The following FBXO32 variants were observed in gnomAD, a reference collection of about 807,000 sequenced individuals.
FBXO32 encodes F-box protein 32, also known as F-box only protein 32.
In FBXO32, 15 loss-of-function variants were observed where a neutral mutation model predicts 48.3. That is an observed-to-expected ratio of 0.31 (90% CI 0.21 to 0.48). FBXO32 has a LOEUF of 0.48. FBXO32 is among the 20% of genes least tolerant of loss of function. FBXO32 has a pLI of 0.99. For synonymous variants in FBXO32, 154 were observed against 165.9 expected (o/e 0.93, Z 0.55); for missense variants, 309 against 432.7 (o/e 0.71, Z 2.54).
In FBXO32 at chr8:123,540,497, T is replaced by C. The variant is rs1231891807; in HGVS notation, c.116+402A>G. 2.0e-5 allele frequency among the ~76,000 whole-genome samples: 3 copies of C among 152,124 alleles called. No homozygotes were observed. Among genetic ancestry groups the C allele is most frequent in the Non-Finnish European group, 4.4e-5 (3 of 68,006 alleles). On this transcript the variant is annotated intron_variant, in intron 1 of 8. Transcript: ENST00000517956. This position sits in a 1 kb window ranked among gnomAD's most constrained non-coding sequence, Gnocchi z 6.4. ...CGCTGGGAGCCGGGCCACCCCGCGG[T>C]GAAGGGGCTCAGCCCACCCGCCCGC...
intron 7 of FBXO32, among the ~76,000 whole-genome samples, chr8:123,505,179 T>C (rs535907228): frequency 2.0e-5 from 3 of 152,206 alleles, no homozygotes; most frequent in African/African-American, 7.2e-5. Context: ...ACAGAACTTG[T>C]TGAACTCACA....
At chr8:123,528,023 A>G (rs1477882391) in intron 4 of FBXO32, among the ~76,000 whole-genome samples, 1 of 152,220 alleles carries the variant, frequency 6.6e-6, no homozygotes, top group African/African-American at 2.4e-5. Context: ...AAAACATAAT[A>G]TCTGGGCTCC....
At chr8:123,528,097 A>T (rs930013604) in intron 4 of FBXO32, among the ~76,000 whole-genome samples, 43 of 152,250 alleles carry the variant, frequency 2.8e-4, no homozygotes, top group Non-Finnish European at 8.8e-5. Flanking sequence ...CAGATATTTT[A>T]AAAGTAGCAA....
At chr8:123,535,539 G>T (rs939017824) in intron 1 of FBXO32, among the ~76,000 whole-genome samples, 3 of 152,166 alleles carry the variant, frequency 2.0e-5, no homozygotes, top group African/African-American at 4.8e-5. Flanking sequence ...ATTTATAAGG[G>T]CTGAACAGAC....
At chr8:123,526,175 A>T (rs1465815444) in intron 4 of FBXO32, among the ~76,000 whole-genome samples, 1 of 151,632 alleles carries the variant, frequency 6.6e-6, no homozygotes, top group Non-Finnish European at 1.5e-5. Flanking sequence ...GTGAGGCCTG[A>T]CCAAGATCAT....
chr8:123,519,232 T>G (rs1586995237), intron 4 of FBXO32, among the ~76,000 whole-genome samples: 1 of 152,328 alleles, frequency 6.6e-6, no homozygotes, highest in South Asian at 2.1e-4. Flanking sequence ...TATTGTTATG[T>G]TCTGGGGAAA....
intron 8 of FBXO32, among the ~76,000 whole-genome samples, chr8:123,503,679 G>A (rs1816548464): frequency 6.6e-6 from 1 of 152,226 alleles, no homozygotes; most frequent in Non-Finnish European, 1.5e-5. Flanking sequence ...AAGGGAAAAG[G>A]AAGGGGATGC....
chr8:123,505,834 G>C (rs1356445840), intron 7 of FBXO32, among the ~76,000 whole-genome samples: 2 of 152,152 alleles, frequency 1.3e-5, no homozygotes, highest in Non-Finnish European at 2.9e-5. Flanking sequence ...TGATTTTTTT[G>C]AGTGAGTTGT....
chr8:123,502,744 G>A lies in FBXO32; in HGVS notation c.*629C>T, dbSNP rs1816523060. ...TTTTTATAGTGATGAAAACACTTAC[G>A]AGAAAAACAGACACTGCCTACTGGA... On this transcript the variant is annotated 3_prime_UTR_variant, in exon 9 of 9. Transcript: ENST00000517956. 6.6e-6 allele frequency: 1 copy of A among 152,156 alleles called. No homozygotes were observed. Among genetic ancestry groups the A allele is most frequent in the Non-Finnish European group, 1.5e-5 (1 of 68,048 alleles). The allele number at this position is 152,156 out of a possible 1,614,324, so 9.4% of individuals were successfully genotyped here.
At chr8:123,535,530 T>G (rs866717760) in intron 1 of FBXO32, among the ~76,000 whole-genome samples, 1 of 152,164 alleles carries the variant, frequency 6.6e-6, no homozygotes, top group South Asian at 2.1e-4. Flanking sequence ...AATTGATAAA[T>G]TTATAAGGGC....
intron 7 of FBXO32, among the ~76,000 whole-genome samples, chr8:123,505,785 G>A (rs1816604301): frequency 2.0e-5 from 3 of 152,076 alleles, no homozygotes; most frequent in African/African-American, 7.2e-5. Flanking sequence ...GAAAATGTAA[G>A]TTATTGTGTT....
chr8:123,504,247 C>G (rs904692258), intron 8 of FBXO32, among the ~76,000 whole-genome samples: 1 of 151,852 alleles, frequency 6.6e-6, no homozygotes, highest in South Asian at 2.1e-4. Context: ...TCGCATGGAC[C>G]CTGAAACTAC....
intron 4 of FBXO32, among the ~76,000 whole-genome samples, chr8:123,520,626 A>T (rs768416488): frequency 1.3e-5 from 2 of 152,172 alleles, no homozygotes; most frequent in Non-Finnish European, 2.9e-5. Context: ...GTGCAAGACG[A>T]ATGGGCAGAA....
chr8:123,533,774 C>T (rs1817255291), intron 2 of FBXO32, among the ~76,000 whole-genome samples: 1 of 152,088 alleles, frequency 6.6e-6, no homozygotes, highest in South Asian at 2.1e-4. Flanking sequence ...TGCCACTGCA[C>T]TCCAGCCTGG....
chr8:123,521,435 G>C (rs1816953530), intron 4 of FBXO32, among the ~76,000 whole-genome samples: 1 of 152,204 alleles, frequency 6.6e-6, no homozygotes, highest in African/African-American at 2.4e-5. Context: ...ATGGAGACTA[G>C]TTCCAGACTG....
intron 3 of FBXO32, among the ~76,000 whole-genome samples, chr8:123,532,753 CA>C (rs1481237388): frequency 1.3e-5 from 2 of 152,192 alleles, no homozygotes; most frequent in African/African-American, 4.8e-5. Flanking sequence ...GTAGTTATTA[CA>C]ATGTCTTGTC....
chr8:123,521,539 G>T (rs776485125), intron 4 of FBXO32, among the ~76,000 whole-genome samples: 1 of 152,222 alleles, frequency 6.6e-6, no homozygotes, highest in Non-Finnish European at 1.5e-5. Context: ...CTGAGATCTG[G>T]AGGGACAGTA....
chr8:123,513,423 G>A lies in FBXO32; in HGVS notation c.467-41C>T. ...AAAAAATAATTAAAGTTATGATACT[G>A]GAACACCCTGTATTTTACACATGAG... On this transcript the variant is annotated intron_variant, in intron 5 of 8. Coordinates refer to ENST00000517956, the MANE Select transcript of FBXO32 (RefSeq NM_058229.4). The surrounding 1 kb of genome is among the most constrained non-coding windows in gnomAD (Gnocchi z 4.3). 6.6e-7 allele frequency: 1 copy of A among 1,522,096 alleles called. No homozygotes were observed. The highest frequency in any genetic ancestry group is 9.0e-7 in the Non-Finnish European group (1 of 1,106,174). The allele number at this position is 1,522,096 out of a possible 1,614,324, so 94.3% of individuals were successfully genotyped here. A position where few individuals can be genotyped will look rare whatever the true frequency, so the allele number is the denominator to read the frequency against.
intron 4 of FBXO32, among the ~76,000 whole-genome samples, chr8:123,531,100 C>A (rs1817198139): frequency 1.3e-5 from 2 of 151,338 alleles, no homozygotes; most frequent in Admixed American, 1.3e-4. Context: ...CTGCCTCAGC[C>A]TCCCAAGTAG....
Sources: gnomAD v4.1 joint callset for allele counts (sites outside exome capture counted in the v4.1 genomes callset) on GRCh38, gnomAD v4.1.1 for gene constraint, Gnocchi (gnomAD v3.1) non-coding constraint, MANE v1.5 for transcripts, NCBI Gene and HGNC (gene_info 2026-07-23, HGNC 2026-07-21) for gene names.